DOCK3: variants seen among roughly 807,000 people sequenced by gnomAD.
The protein encoded by DOCK3 is dedicator of cytokinesis protein 3.
Under a neutral mutation model 265.6 loss-of-function variants are expected in DOCK3, and 60 were observed. That is an observed-to-expected ratio of 0.23 (90% confidence interval 0.18 to 0.28). The LOEUF (loss-of-function observed/expected upper bound fraction) is 0.28, where lower values mean the gene tolerates loss of function less well. DOCK3 is among the 10% of genes least tolerant of loss of function. The pLI, the probability that DOCK3 is intolerant of heterozygous loss-of-function variation, is 1.00. For synonymous variants in DOCK3, 881 were observed against 938.0 expected, an observed-to-expected ratio of 0.94 and a Z score of 1.11; for missense variants, 1,981 against 2,594.3, an observed-to-expected ratio of 0.76 and a Z score of 5.14.
At chr3:51,076,717 G>A (rs2082069567) in intron 7 of DOCK3, among the ~76,000 whole-genome samples, 1 of 152,150 alleles carries the variant, frequency 6.6e-6, no homozygotes, top group African/African-American at 2.4e-5. Flanking sequence ...TACGTGTGCT[G>A]CATATATGTG....
At chr3:51,226,690 T>C (rs1213054725) in intron 15 of DOCK3, among the ~76,000 whole-genome samples, 3 of 152,222 alleles carry the variant, frequency 2.0e-5, no homozygotes, top group African/African-American at 7.2e-5. Flanking sequence ...GGACCTACTC[T>C]GGCTTATGTG....
chr3:50,761,187 TAAAC>T (rs897567089), intron 1 of DOCK3, among the ~76,000 whole-genome samples: 5 of 152,154 alleles, frequency 3.3e-5, no homozygotes, highest in Admixed American at 6.5e-5. Flanking sequence ...TTTTTTAAAA[TAAAC>T]AAAGCTGCAA....
At chr3:51,280,084 G>A in intron 26 of DOCK3, 22 bp from the exon 27 acceptor site, 2 of 1,609,126 alleles carry the variant, frequency 1.2e-6, no homozygotes, top group Non-Finnish European at 1.7e-6. Context: ...CATGCTAAGT[G>A]TTTTTTTGGG....
chr3:51,046,462 T>C (rs1396756280), intron 5 of DOCK3, among the ~76,000 whole-genome samples: 1 of 152,150 alleles, frequency 6.6e-6, no homozygotes, highest in Non-Finnish European at 1.5e-5. Flanking sequence ...TCAGACAAAA[T>C]AGATATTAAG....
intron 7 of DOCK3, among the ~76,000 whole-genome samples, chr3:51,078,118 G>T (rs2082114235): frequency 6.6e-6 from 1 of 152,162 alleles, no homozygotes; most frequent in Admixed American, 6.5e-5. Flanking sequence ...ACAACATACG[G>T]AAGGAACTTG....
intron 4 of DOCK3, among the ~76,000 whole-genome samples, chr3:50,911,346 A>G (rs140060760): frequency 6.6e-6 from 1 of 152,170 alleles, no homozygotes; most frequent in East Asian, 1.9e-4. Flanking sequence ...GTGGTGAGAA[A>G]TGGGGTTTAG....
At chr3:50,884,359 GA>G (rs1401756151) in intron 3 of DOCK3, among the ~76,000 whole-genome samples, 1 of 152,186 alleles carries the variant, frequency 6.6e-6, no homozygotes. Flanking sequence ...TCAAAGTGCT[GA>G]GATTACAGGC....
intron 19 of DOCK3, among the ~76,000 whole-genome samples, chr3:51,230,218 G>C (rs140223525): frequency 3.4e-3 from 514 of 152,264 alleles, no homozygotes; most frequent in Non-Finnish European, 5.5e-3. Flanking sequence ...CAAATGATCT[G>C]ATCACTGAGG....
rs146877783 is a variant in DOCK3, at chr3:51,282,934, T to A, written c.2922+2730T>A. Among the ~76,000 whole-genome samples the A allele has an allele frequency of 1.4e-3, 210 of 152,082 alleles. 2 individuals are homozygous for A. The highest frequency in any genetic ancestry group is 4.8e-3 in the African/African-American group (200 of 41,484). ...CCTTATGAATATAAACACAAAAATC[T>A]CCAGCAAAATACTAGCAAACTGAAT... On this transcript the variant is annotated intron_variant, in intron 27 of 52. Transcript: ENST00000266037.
intron 3 of DOCK3, among the ~76,000 whole-genome samples, chr3:50,870,694 T>C (rs1361963365): frequency 2.0e-5 from 3 of 152,102 alleles, no homozygotes; most frequent in Non-Finnish European, 4.4e-5. Context: ...TTTTTCTTTC[T>C]TTCCATTCTA....
At chr3:51,010,433 A>G (rs1441994988) in intron 5 of DOCK3, among the ~76,000 whole-genome samples, 1 of 152,068 alleles carries the variant, frequency 6.6e-6, no homozygotes, top group East Asian at 1.9e-4. Context: ...AGAGACTAAG[A>G]TTGCAACCCC....
At chr3:51,167,320 C>T (rs1197355850) in intron 12 of DOCK3, among the ~76,000 whole-genome samples, 1 of 152,128 alleles carries the variant, frequency 6.6e-6, no homozygotes, top group Non-Finnish European at 1.5e-5. Context: ...GTTTTTATGG[C>T]ATTACCATAT....
At chr3:51,002,112 ATT>A (rs879740299) in intron 5 of DOCK3, among the ~76,000 whole-genome samples, 1 of 146,618 alleles carries the variant, frequency 6.8e-6, no homozygotes, top group African/African-American at 2.5e-5. Flanking sequence ...TGCCCTGCTA[ATT>A]TTTTTTTTTT....
chr3:51,364,737 G>C (rs1163110860), intron 49 of DOCK3, among the ~76,000 whole-genome samples: 6 of 152,318 alleles, frequency 3.9e-5, no homozygotes, highest in Admixed American at 2.6e-4. Context: ...TTATTAAATA[G>C]AGAATCTTTC....
At chr3:51,362,469 C>T in intron 48 of DOCK3, 58 bp from the exon 49 acceptor site, 1 of 1,609,530 alleles carries the variant, frequency 6.2e-7, no homozygotes, top group Non-Finnish European at 8.5e-7. Context: ...AACTCTGTGC[C>T]AGCCCTAAAG....
chr3:51,381,706 C>T lies in DOCK3; in HGVS notation c.*147C>T. 1 of 1,141,984 alleles carries T rather than the reference C, an allele frequency of 8.8e-7. No homozygotes were observed. The highest frequency in any genetic ancestry group is 2.6e-5 in the East Asian group (1 of 38,250). The allele number at this position is 1,141,984 out of a possible 1,614,324, so 70.7% of individuals were successfully genotyped here. A position where few individuals can be genotyped will look rare whatever the true frequency, so the allele number is the denominator to read the frequency against. ...CCACCCCCAAGTCTCCGTTCTACTGCCGTGAACTCATGTGTTGCCATGTAC... is the reference window on the plus strand; with the variant it reads ...CCACCCCCAAGTCTCCGTTCTACTGTCGTGAACTCATGTGTTGCCATGTAC... On this transcript the variant is annotated 3_prime_UTR_variant, in exon 53 of 53. Coordinates refer to ENST00000266037, the MANE Select transcript of DOCK3 (RefSeq NM_004947.5). This position sits in a 1 kb window ranked among gnomAD's most constrained non-coding sequence, Gnocchi z 5.6.
At chr3:51,229,271 T>C (rs1576470375) in intron 18 of DOCK3, among the ~76,000 whole-genome samples, 1 of 152,050 alleles carries the variant, frequency 6.6e-6, no homozygotes, top group Non-Finnish European at 1.5e-5. Context: ...GCCAACATGG[T>C]GAAACACCAT....
chr3:51,152,996 T>C (rs748805030), intron 10 of DOCK3, among the ~76,000 whole-genome samples: 4 of 152,196 alleles, frequency 2.6e-5, no homozygotes, highest in Non-Finnish European at 5.9e-5. Context: ...TTCTCAGAGC[T>C]CAAACACTGT....
At chr3:51,040,893 G>C (rs1013536564) in intron 5 of DOCK3, among the ~76,000 whole-genome samples, 7 of 151,496 alleles carry the variant, frequency 4.6e-5, no homozygotes, top group Non-Finnish European at 7.4e-5. Flanking sequence ...CTGTCTTCAG[G>C]GTCCACTTCT....
Sources: allele counts gnomAD v4.1 joint callset (sites outside exome capture counted in the v4.1 genomes callset), GRCh38; gene constraint gnomAD v4.1.1; non-coding constraint Gnocchi (gnomAD v3.1); transcripts MANE v1.5; gene names NCBI Gene and HGNC (gene_info 2026-07-23, HGNC 2026-07-21).